ZC3H3: variants seen among roughly 807,000 people sequenced by gnomAD.
ZC3H3 encodes the protein zinc finger CCCH-type containing 3.
In ZC3H3, 36 loss-of-function variants were observed where a neutral mutation model predicts 77.3. The ratio of observed to expected loss-of-function variants is 0.47; its 90% CI spans 0.36 to 0.61. The LOEUF (loss-of-function observed/expected upper bound fraction) is 0.61. ZC3H3 is among the 20% of genes least tolerant of loss of function. The probability of loss-of-function intolerance (pLI) is 0.00; values close to 1 mark genes in which losing one functional copy is unlikely to be tolerated. For synonymous variants in ZC3H3, 626 were observed against 555.2 expected (o/e 1.13, Z -1.79); for missense variants, 1,331 against 1,312.2 (o/e 1.01, Z -0.22).
At chr8:143,481,659 G>A (rs1288956361) in intron 4 of ZC3H3, among the ~76,000 whole-genome samples, 1 of 152,244 alleles carries the variant, frequency 6.6e-6, no homozygotes, top group East Asian at 1.9e-4. Flanking sequence ...CAGGGACGAT[G>A]GGGACCTTCC....
At chr8:143,534,492 A>T (rs1014198726) in intron 3 of ZC3H3, among the ~76,000 whole-genome samples, 4 of 152,000 alleles carry the variant, frequency 2.6e-5, no homozygotes, top group African/African-American at 9.7e-5. Context: ...GCCCCACTCT[A>T]CTAGAGGCCT....
intron 8 of ZC3H3, among the ~76,000 whole-genome samples, chr8:143,467,131 C>A (rs538988386): frequency 6.6e-6 from 1 of 152,160 alleles, no homozygotes; most frequent in Non-Finnish European, 1.5e-5. Context: ...TTGGGGCTGG[C>A]GGTGGTGGGC....
At chr8:143,470,277 G>T (rs1820527372) in intron 5 of ZC3H3, among the ~76,000 whole-genome samples, 1 of 152,248 alleles carries the variant, frequency 6.6e-6, no homozygotes, top group Admixed American at 6.5e-5. Flanking sequence ...GAGCTGAGTG[G>T]CCAGCGAGCC....
At chr8:143,463,230 C>T (rs552290011) in intron 9 of ZC3H3, among the ~76,000 whole-genome samples, 2 of 152,060 alleles carry the variant, frequency 1.3e-5, no homozygotes, top group African/African-American at 4.8e-5. Context: ...GGTGATCCAC[C>T]TGCCTCGGCC....
rs748069276 is a variant in ZC3H3, at chr8:143,539,092, A to C, written c.275T>G (p.Val92Gly). ...GPSDPPADHA[V>G]RPLHGARGGQ... ...CCCCCGGGCCCCGTGCAACGGCCGC[A>C]CAGCATGGTCGGCAGGAGGGTCTGA... The change falls in exon 2 of 12, where the codon GTG (valine) becomes GGG (glycine). Residue 92 changes from valine (V) to glycine (G), a missense_variant. Coordinates refer to ENST00000262577, the MANE Select transcript of ZC3H3 (RefSeq NM_015117.3). 5.6e-6 allele frequency: 9 copies of C among 1,612,848 alleles called. No individual in the cohort carries two copies. The highest frequency in any genetic ancestry group is 7.6e-6 in the Non-Finnish European group (9 of 1,179,986).
At position 143,541,431 on chromosome 8, in the gene ZC3H3, C is replaced by T. The variant is rs773200886; in HGVS notation, c.-10G>A. ...TCTCCTTTTCCTCCATCTCCCGAGT[C>T]CGCGACGGCCGGCCAGGCCCCCACG... On this transcript the variant is annotated 5_prime_UTR_variant, in exon 1 of 12. Transcript: ENST00000262577. 1.2e-6 allele frequency: 2 copies of T among 1,611,614 alleles called. No individual in the cohort carries two copies. Among genetic ancestry groups the T allele is most frequent in the Non-Finnish European group, 8.5e-7 (1 of 1,179,320 alleles).
At chr8:143,502,148 T>C (rs930278640) in intron 4 of ZC3H3, among the ~76,000 whole-genome samples, 4 of 152,272 alleles carry the variant, frequency 2.6e-5, no homozygotes, top group African/African-American at 9.6e-5. Context: ...ACACCAAGTC[T>C]GCCCAGCAAC....
intron 3 of ZC3H3, among the ~76,000 whole-genome samples, chr8:143,532,444 G>A (rs547143309): frequency 1.2e-4 from 19 of 152,394 alleles, no homozygotes; most frequent in African/African-American, 4.6e-4. Flanking sequence ...GAAGAGGAGA[G>A]GTGGAGCTGG....
At chr8:143,499,705 A>T (rs1821466269) in intron 4 of ZC3H3, among the ~76,000 whole-genome samples, 1 of 152,136 alleles carries the variant, frequency 6.6e-6, no homozygotes, top group Admixed American at 6.5e-5. Context: ...CCGGGCAGCA[A>T]GGATACAGAC....
chr8:143,478,611 G>A (rs959825975), intron 4 of ZC3H3, among the ~76,000 whole-genome samples: 1 of 152,252 alleles, frequency 6.6e-6, no homozygotes, highest in African/African-American at 2.4e-5. Flanking sequence ...CCGGGTTCAA[G>A]AGGTTCTCCT....
intron 9 of ZC3H3, 77 bp downstream of exon 9, chr8:143,465,640 G>A (rs1270459820): frequency 4.4e-6 from 7 of 1,577,354 alleles, no homozygotes; most frequent in East Asian, 4.5e-5. Flanking sequence ...CAGCCACCAC[G>A]GCAGGTACCC....
intron 3 of ZC3H3, among the ~76,000 whole-genome samples, chr8:143,514,730 C>T (rs1057465261): frequency 1.3e-5 from 2 of 152,212 alleles, no homozygotes; most frequent in South Asian, 2.1e-4. Flanking sequence ...ACCGCCTGGA[C>T]GTTCACCTGC....
chr8:143,440,423 A>C lies in ZC3H3; in HGVS notation c.2493-60T>G, dbSNP rs1242740995. On this transcript the variant is annotated intron_variant, in intron 10 of 11. Transcript: ENST00000262577. Reference sequence around the variant, plus strand: ...GGTGACGGGTGGGGATCCCAGCGACAGACTGCCCATGCTCTTGGCTGCTTC... The same window carrying C: ...GGTGACGGGTGGGGATCCCAGCGACCGACTGCCCATGCTCTTGGCTGCTTC... 8 of 1,484,410 alleles carry C rather than the reference A, an allele frequency of 5.4e-6. No homozygotes were observed. In the Admixed American group the frequency reaches 1.9e-4, roughly 35 times the overall value. The allele number at this position is 1,484,410 out of a possible 1,614,324, so 92.0% of individuals were successfully genotyped here.
rs1822888208 is a variant in ZC3H3 at position 143,538,575 on chromosome 8, T to C, written c.792A>G (p.Arg264=). The change falls in exon 2 of 12, where the codon AGA becomes AGG. Residue 264 remains arginine, a synonymous_variant. Coordinates refer to ENST00000262577, the MANE Select transcript of ZC3H3 (RefSeq NM_015117.3). ...GCTGATCTGTGTGGCCAGCATCTAC[T>C]CTCCTGTCCCCAAGGAGCTGTGGAG... ...SCAPQLLGDR[R]VDAGHTDQPV... is the part of the protein sequence containing the mutation. 6.2e-7 allele frequency: 1 copy of C among 1,610,774 alleles called. No individual in the cohort carries two copies. Among genetic ancestry groups the C allele is most frequent in the African/African-American group, 1.3e-5 (1 of 74,934 alleles).
rs192874109 is a variant in ZC3H3, at chr8:143,528,503, C to G, written c.1561+7754G>C. ...AGGCTCAGAAAGGCCTCCCAGCAGC[C>G]TGGCACAGGAGGTTACGGCGAGGAT... On this transcript the variant is annotated intron_variant, in intron 3 of 11. Coordinates refer to ENST00000262577, the MANE Select transcript of ZC3H3 (RefSeq NM_015117.3). Among the ~76,000 whole-genome samples the G allele has an allele frequency of 8.5e-5, 13 of 152,356 alleles. 1 individual carries two copies. The East Asian group carries it at 2.3e-3, about 27-fold the overall frequency.
At chr8:143,483,839 G>A (rs1319613678) in intron 4 of ZC3H3, among the ~76,000 whole-genome samples, 1 of 152,240 alleles carries the variant, frequency 6.6e-6, no homozygotes, top group Admixed American at 6.5e-5. Context: ...CCAGGTACCT[G>A]GGGCAGTAGC....
rs1822582990 is a variant in ZC3H3 at position 143,530,954 on chromosome 8, TC to T, written c.1561+5302del. Reference sequence around the variant, plus strand: ...CACCCTTCTGGGGCTGTCTTCTATCTCCTTTTTTTTTTTTTTTTTTTTTGAG... The same window carrying T: ...CACCCTTCTGGGGCTGTCTTCTATCTCTTTTTTTTTTTTTTTTTTTTTGAG... On this transcript the variant is annotated intron_variant, in intron 3 of 11. Transcript: ENST00000262577. This position sits in a 1 kb window ranked among gnomAD's most constrained non-coding sequence, Gnocchi z 4.3. Among the ~76,000 whole-genome samples, 1 of 142,688 alleles carries T rather than the reference TC, an allele frequency of 7.0e-6. No individual in the cohort carries two copies. Among genetic ancestry groups the T allele is most frequent in the Non-Finnish European group, 1.5e-5 (1 of 65,888 alleles). 93.6% of individuals were successfully genotyped at this position (142,688 alleles called of 152,430 possible). A position where few individuals can be genotyped will look rare whatever the true frequency, so the allele number is the denominator to read the frequency against.
At chr8:143,465,284 GA>G (rs1035186017) in intron 9 of ZC3H3, among the ~76,000 whole-genome samples, 1 of 151,992 alleles carries the variant, frequency 6.6e-6, no homozygotes, top group Non-Finnish European at 1.5e-5. Flanking sequence ...GGCTGGGTGG[GA>G]GTGTCCCGTC....
At chr8:143,453,630 C>T (rs1820042426) in intron 9 of ZC3H3, among the ~76,000 whole-genome samples, 1 of 151,962 alleles carries the variant, frequency 6.6e-6, no homozygotes, top group East Asian at 1.9e-4. Context: ...GTTCTCCAAA[C>T]AAAAAGGAAA....
Sources: allele counts gnomAD v4.1 joint callset (sites outside exome capture counted in the v4.1 genomes callset), GRCh38; gene constraint gnomAD v4.1.1; non-coding constraint Gnocchi (gnomAD v3.1); transcripts MANE v1.5; gene names NCBI Gene and HGNC (gene_info 2026-07-23, HGNC 2026-07-21).